ATP6V0A1: variants seen among roughly 807,000 people sequenced by gnomAD.
The protein encoded by ATP6V0A1 is V-type proton ATPase 116 kDa subunit a 1.
ATP6V0A1 carries 43 observed loss-of-function variants against 105.4 expected under a neutral mutation model. That is an observed-to-expected ratio of 0.41 (90% CI 0.32 to 0.53). The LOEUF (loss-of-function observed/expected upper bound fraction) is 0.53. Among genes scored for constraint, ATP6V0A1 ranks in the 20% least tolerant of loss-of-function variants. The probability of loss-of-function intolerance (pLI) is 0.30; values close to 1 mark genes in which losing one functional copy is unlikely to be tolerated. For synonymous variants in ATP6V0A1, 362 were observed against 372.8 expected (o/e 0.97, Z 0.33); for missense variants, 676 against 1,051.1 (o/e 0.64, Z 4.93).
At chr17:42,495,492 C>G (rs2091068564) in intron 13 of ATP6V0A1, 134 bp from the exon 14 acceptor site, 1 of 727,718 alleles carries the variant, frequency 1.4e-6, no homozygotes, top group African/African-American at 1.8e-5. Flanking sequence ...CTAGTCTCTC[C>G]TCTTTATTTT....
At chr17:42,507,396 T>C in intron 17 of ATP6V0A1, 124 bp from the exon 18 acceptor site, 2 of 695,856 alleles carry the variant, frequency 2.9e-6, no homozygotes, top group South Asian at 3.6e-5. Context: ...AGTCAGTGGG[T>C]TTTGTTTTTG....
At chr17:42,481,592 C>G (rs143676554) in intron 8 of ATP6V0A1, among the ~76,000 whole-genome samples, 8 of 152,116 alleles carry the variant, frequency 5.3e-5, no homozygotes, top group African/African-American at 1.9e-4. Flanking sequence ...GCCTGTAATC[C>G]CAACACTTTG....
At chr17:42,485,283 A>T (rs2089990754) in intron 9 of ATP6V0A1, among the ~76,000 whole-genome samples, 2 of 152,200 alleles carry the variant, frequency 1.3e-5, no homozygotes, top group South Asian at 4.1e-4. Context: ...GGTGAGTGAT[A>T]GGCTATATTA....
intron 11 of ATP6V0A1, among the ~76,000 whole-genome samples, chr17:42,491,919 C>T (rs1218795357): frequency 1.3e-5 from 2 of 152,222 alleles, no homozygotes; most frequent in Non-Finnish European, 2.9e-5. Flanking sequence ...TGAGCCACTG[C>T]GCCCAGCCAA....
chr17:42,502,494 G>GCACACA (rs537253936), intron 17 of ATP6V0A1, among the ~76,000 whole-genome samples: 55 of 151,784 alleles, frequency 3.6e-4, no homozygotes, highest in African/African-American at 1.3e-3. Flanking sequence ...AATTCTGCGC[G>GCACACA]CGCACACACA....
At chr17:42,479,375 C>T (rs2089204051) in intron 7 of ATP6V0A1, among the ~76,000 whole-genome samples, 1 of 152,158 alleles carries the variant, frequency 6.6e-6, no homozygotes, top group African/African-American at 2.4e-5. Flanking sequence ...ATGATCTTCC[C>T]CACCCAGTAC....
In ATP6V0A1 at chr17:42,520,124, G is replaced by C. The variant is rs9889774; in HGVS notation, c.2421-903G>C. 7.0e-3 allele frequency: 1,695 copies of C among 242,026 alleles called. 42 individuals carry two copies. Among genetic ancestry groups the C allele is most frequent in the African/African-American group, 0.036 (1,599 of 44,262 alleles). The allele number at this position is 242,026 out of a possible 1,614,324, so 15.0% of individuals were successfully genotyped here. ...ACCTGGAGCCTGCCCCAGCCCCCAC[G>C]CCTGCCTGTTCTTATAGGGGCTCCG... On this transcript the variant is annotated intron_variant, in intron 21 of 21. Coordinates refer to ENST00000343619, the MANE Select transcript of ATP6V0A1 (RefSeq NM_001130021.3).
chr17:42,478,699 C>G (rs1044741603), intron 7 of ATP6V0A1, 110 bp downstream of exon 7: 2 of 1,194,828 alleles, frequency 1.7e-6, no homozygotes, highest in African/African-American at 3.1e-5. Context: ...GAGCCATTAT[C>G]TTTATCTCTG....
At chr17:42,479,731 CTAGGGGTGTA>C (rs1373256728) in intron 7 of ATP6V0A1, among the ~76,000 whole-genome samples, 3 of 152,108 alleles carry the variant, frequency 2.0e-5, no homozygotes, top group Non-Finnish European at 4.4e-5. Context: ...AACCCCCTGC[CTAGGGGTGTA>C]GTTTCACAAT....
In ATP6V0A1 at chr17:42,483,122, T is replaced by C; in HGVS notation, c.801T>C (p.Asp267=). 2 of 1,536,844 alleles carry C rather than the reference T, an allele frequency of 1.3e-6. No individual in the cohort carries two copies. Among genetic ancestry groups the C allele is most frequent in the Non-Finnish European group, 8.8e-7 (1 of 1,137,032 alleles). The change falls in exon 9 of 22, where the codon GAT becomes GAC. Residue 267 remains aspartate, a synonymous_variant. Coordinates refer to ENST00000343619, the MANE Select transcript of ATP6V0A1 (RefSeq NM_001130021.3). Reference sequence around the variant, plus strand: ...CTGGAGTGAATACCAGGATTGATGATCTCCAAATGGTATGCAGAAGGCTGG... The same window carrying C: ...CTGGAGTGAATACCAGGATTGATGACCTCCAAATGGTATGCAGAAGGCTGG... ...MASGVNTRID[D]LQMVLNQTED...
intron 3 of ATP6V0A1, 136 bp from the exon 4 acceptor site, chr17:42,467,874 T>TTA (rs138251779): frequency 0.064 from 14,397 of 225,138 alleles, 521 homozygotes; most frequent in East Asian, 0.14. Flanking sequence ...ATTATATCTT[T>TTA]TATATATATA....
intron 17 of ATP6V0A1, among the ~76,000 whole-genome samples, chr17:42,505,461 C>T (rs1013169310): frequency 6.6e-6 from 1 of 151,366 alleles, no homozygotes; most frequent in African/African-American, 2.5e-5. Flanking sequence ...GCCTCAGGCT[C>T]CCAAAGTGCT....
intron 3 of ATP6V0A1, among the ~76,000 whole-genome samples, chr17:42,467,450 A>C (rs999782089): frequency 6.6e-6 from 1 of 152,308 alleles, no homozygotes; most frequent in Non-Finnish European, 1.5e-5. Flanking sequence ...TATAAAAAAC[A>C]GTTGTAGTTG....
intron 15 of ATP6V0A1, among the ~76,000 whole-genome samples, chr17:42,500,298 G>A (rs1022875208): frequency 6.6e-6 from 1 of 152,050 alleles, no homozygotes; most frequent in African/African-American, 2.4e-5. Context: ...GGGCAACATG[G>A]CAAAACCCCA....
intron 9 of ATP6V0A1, among the ~76,000 whole-genome samples, chr17:42,483,378 A>G (rs2089760282): frequency 1.3e-5 from 2 of 152,086 alleles, no homozygotes; most frequent in Non-Finnish European, 2.9e-5. Context: ...GTTGCCTAGC[A>G]TATTCAATTC....
At chr17:42,460,784 G>T in intron 1 of ATP6V0A1, 64 bp from the exon 2 acceptor site, 1 of 796,590 alleles carries the variant, frequency 1.3e-6, no homozygotes, top group Non-Finnish European at 2.2e-6. Context: ...GCCGTAGTGG[G>T]GTGTCATTTG....
At chr17:42,514,138 G>A in intron 20 of ATP6V0A1, 151 bp from the exon 21 acceptor site, 1 of 1,269,684 alleles carries the variant, frequency 7.9e-7, no homozygotes, top group Non-Finnish European at 1.1e-6. Flanking sequence ...CTCAGCACTT[G>A]TGCCAGGTTA....
intron 11 of ATP6V0A1, among the ~76,000 whole-genome samples, chr17:42,491,402 C>T (rs1324345286): frequency 6.6e-6 from 1 of 152,146 alleles, no homozygotes; most frequent in Non-Finnish European, 1.5e-5. Flanking sequence ...GCTCTGCCTC[C>T]CAGGTTCACG....
intron 17 of ATP6V0A1, among the ~76,000 whole-genome samples, chr17:42,506,504 G>A (rs1477968450): frequency 1.3e-5 from 2 of 152,234 alleles, no homozygotes; most frequent in Non-Finnish European, 2.9e-5. Flanking sequence ...CAGCTGCGCA[G>A]GCCTCCTGCA....
Sources: allele counts gnomAD v4.1 joint callset (sites outside exome capture counted in the v4.1 genomes callset), GRCh38; gene constraint gnomAD v4.1.1; transcripts MANE v1.5; gene names NCBI Gene and HGNC (gene_info 2026-07-23, HGNC 2026-07-21).